Variants in RABL3 observed in about 807,000 individuals in gnomAD.
RABL3 encodes RAB, member of RAS oncogene family like 3.
A neutral mutation model predicts 31.8 loss-of-function variants in RABL3; 31 were observed. That is an observed-to-expected ratio of 0.97 (90% CI 0.73 to 1.31). The LOEUF (loss-of-function observed/expected upper bound fraction) is 1.31. RABL3 is among the 40% of genes most tolerant of loss of function. The probability of loss-of-function intolerance (pLI) is 0.00; values close to 1 mark genes in which losing one functional copy is unlikely to be tolerated. For synonymous variants in RABL3, 97 were observed against 99.9 expected, an observed-to-expected ratio of 0.97 and a Z score of 0.18; for missense variants, 263 against 279.6, an observed-to-expected ratio of 0.94 and a Z score of 0.42.
intron 5 of RABL3, among the ~76,000 whole-genome samples, chr3:120,697,729 A>C (rs1708452305): frequency 6.6e-6 from 1 of 152,188 alleles, no homozygotes; most frequent in African/African-American, 2.4e-5. Flanking sequence ...CAATTTTTTC[A>C]TGTATTTGTT....
intron 2 of RABL3, among the ~76,000 whole-genome samples, chr3:120,713,843 C>T (rs1321326830): frequency 7.2e-6 from 1 of 137,932 alleles, no homozygotes; most frequent in Non-Finnish European, 1.5e-5. Context: ...TGGAGTCTCA[C>T]TCTGTCACCC....
At chr3:120,693,645 A>G (rs560414705) in intron 6 of RABL3, among the ~76,000 whole-genome samples, 1 of 85,390 alleles carries the variant, frequency 1.2e-5, no homozygotes, top group South Asian at 2.9e-4. Context: ...TGAGGACAAT[A>G]AAACAATGTT....
chr3:120,697,270 T>C (rs1387950465), intron 5 of RABL3, among the ~76,000 whole-genome samples: 1 of 152,258 alleles, frequency 6.6e-6, no homozygotes, highest in Non-Finnish European at 1.5e-5. Flanking sequence ...TGAATCTGAA[T>C]ACCCTAATTG....
chr3:120,698,106 G>GTGAGC (rs981630521), intron 5 of RABL3, among the ~76,000 whole-genome samples: 1 of 152,224 alleles, frequency 6.6e-6, no homozygotes, highest in Non-Finnish European at 1.5e-5. Context: ...AGAGGCTGCA[G>GTGAGC]TGAGCTGAGA....
chr3:120,690,524 T>C (rs759033042), intron 6 of RABL3, 37 bp from the exon 7 acceptor site: 10 of 1,540,086 alleles, frequency 6.5e-6, no homozygotes, highest in Middle Eastern at 1.7e-4. Flanking sequence ...TTAGCACACA[T>C]ACCTGCAAAA....
At chr3:120,712,589 A>G (rs1424372527) in intron 2 of RABL3, among the ~76,000 whole-genome samples, 2 of 151,870 alleles carry the variant, frequency 1.3e-5, no homozygotes, top group African/African-American at 2.4e-5. Flanking sequence ...TACTCCTCCT[A>G]TTTGCTTCCA....
At chr3:120,694,010 C>G (rs1234399390) in intron 6 of RABL3, 143 bp downstream of exon 6, 2 of 521,516 alleles carry the variant, frequency 3.8e-6, no homozygotes, top group Non-Finnish European at 6.9e-6. Flanking sequence ...ATTATACCAA[C>G]AGATAAGAGA....
At chr3:120,702,709 C>T (rs1315282732) in intron 4 of RABL3, among the ~76,000 whole-genome samples, 1 of 152,068 alleles carries the variant, frequency 6.6e-6, no homozygotes, top group Non-Finnish European at 1.5e-5. Flanking sequence ...AGGCGCCCGC[C>T]ACAACGCCTG....
chr3:120,685,207 T>C lies in RABL3; in HGVS notation c.*4616A>G, dbSNP rs1198040705. On this transcript the variant is annotated 3_prime_UTR_variant, in exon 8 of 8. Transcript: ENST00000273375. Reference sequence around the variant, plus strand: ...ACATCCAGGAATTGCTACAAGGTAATGTGAAGCAGGGTGTGACAGGTCTAC... The same window carrying C: ...ACATCCAGGAATTGCTACAAGGTAACGTGAAGCAGGGTGTGACAGGTCTAC... 6.6e-6 allele frequency among the ~76,000 whole-genome samples: 1 copy of C among 152,100 alleles called. No homozygotes were observed.
In RABL3 at chr3:120,688,470, C is replaced by T. The variant is rs375005767; in HGVS notation, c.*1353G>A. The T allele has an allele frequency of 6.6e-6, 1 of 152,360 alleles. No individual in the cohort carries two copies. The highest frequency in any genetic ancestry group is 2.4e-5 in the African/African-American group (1 of 41,456). The allele number at this position is 152,360 out of a possible 1,614,324, so 9.4% of individuals were successfully genotyped here. On this transcript the variant is annotated 3_prime_UTR_variant, in exon 8 of 8. Transcript: ENST00000273375. ...CTTTCTAAAAGGACTCTCTAACATT[C>T]TTATTTTAATATCCTCTTGCAGCAT...
rs113447066 is a variant in RABL3 at position 120,689,432 on chromosome 3, G to A, written c.*391C>T. 2,771 of 157,658 alleles carry A rather than the reference G, an allele frequency of 0.018. 91 individuals are homozygous for A. Among genetic ancestry groups the A allele is most frequent in the African/African-American group, 0.063 (2,636 of 41,732 alleles). 9.8% of individuals were successfully genotyped at this position (157,658 alleles called of 1,614,324 possible). On this transcript the variant is annotated 3_prime_UTR_variant, in exon 8 of 8. Coordinates refer to ENST00000273375, the MANE Select transcript of RABL3 (RefSeq NM_173825.5). ...CAAGAAGGTAAAACAATGGAGATAC[G>A]TTTTTGAAGTACTTAATTAAGCTTT...
intron 1 of RABL3, among the ~76,000 whole-genome samples, chr3:120,735,419 T>C (rs1708946271): frequency 6.7e-6 from 1 of 149,176 alleles, no homozygotes; most frequent in African/African-American, 2.4e-5. Flanking sequence ...ATTGCGTCTG[T>C]TTGATTCTTC....
intron 5 of RABL3, 107 bp downstream of exon 5, chr3:120,698,316 T>A (rs1361380344): frequency 3.1e-5 from 34 of 1,093,282 alleles, no homozygotes; most frequent in Non-Finnish European, 4.5e-5. Flanking sequence ...CCAAATAGCC[T>A]GATTTCAAGT....
At position 120,714,185 on chromosome 3, in the gene RABL3, T is replaced by C. The variant is rs566016319; in HGVS notation, c.139-4276A>G. 6.6e-5 allele frequency among the ~76,000 whole-genome samples: 10 copies of C among 152,286 alleles called. No homozygotes were observed. The South Asian group carries it at 1.0e-3, about 16-fold the overall frequency. On this transcript the variant is annotated intron_variant, in intron 2 of 7. Transcript: ENST00000273375. ...ACACATCAAGAAAGAACAGTGGATATTGTAGATGCTAATAAGTTTGGTTTA... is the reference window on the plus strand; with the variant it reads ...ACACATCAAGAAAGAACAGTGGATACTGTAGATGCTAATAAGTTTGGTTTA...
chr3:120,696,430 TTA>T (rs1708437760), intron 5 of RABL3, among the ~76,000 whole-genome samples: 1 of 152,182 alleles, frequency 6.6e-6, no homozygotes, highest in African/African-American at 2.4e-5. Flanking sequence ...TCTCCTATTG[TTA>T]TGTGTGCTGT....
chr3:120,742,433 G>C, intron 1 of RABL3, 29 bp downstream of exon 1: 1 of 1,611,214 alleles, frequency 6.2e-7, no homozygotes, highest in Admixed American at 1.7e-5. Context: ...AAAGTGTCTG[G>C]AGCCCCAGAG....
chr3:120,728,741 G>C (rs1708850575), intron 2 of RABL3, among the ~76,000 whole-genome samples: 1 of 151,852 alleles, frequency 6.6e-6, no homozygotes, highest in African/African-American at 2.4e-5. Context: ...ACACAAAATA[G>C]GTCCGCTCCT....
At chr3:120,700,615 G>A (rs912159179) in intron 4 of RABL3, among the ~76,000 whole-genome samples, 1 of 151,986 alleles carries the variant, frequency 6.6e-6, no homozygotes, top group Admixed American at 6.6e-5. Flanking sequence ...GGTTATTAAA[G>A]AATTATTATT....
chr3:120,706,381 T>C (rs1387600406), intron 3 of RABL3, among the ~76,000 whole-genome samples: 1 of 152,166 alleles, frequency 6.6e-6, no homozygotes, highest in Non-Finnish European at 1.5e-5. Context: ...CTTTACTTCA[T>C]TCAACACTTC....
Sources: gnomAD v4.1 joint callset for allele counts (sites outside exome capture counted in the v4.1 genomes callset) on GRCh38, gnomAD v4.1.1 for gene constraint, MANE v1.5 for transcripts, NCBI Gene and HGNC (gene_info 2026-07-23, HGNC 2026-07-21) for gene names.